The following INPP5D variants were observed in gnomAD, a reference collection of about 807,000 sequenced individuals.
INPP5D encodes the protein phosphatidylinositol 3,4,5-trisphosphate 5-phosphatase 1.
A neutral mutation model predicts 122.9 loss-of-function variants in INPP5D; 33 were observed. The ratio of observed to expected loss-of-function variants is 0.27; its 90% CI spans 0.20 to 0.36. INPP5D has a LOEUF of 0.36. Ranked by LOEUF, INPP5D falls within the 10% of genes least tolerant of loss-of-function variation. INPP5D has a pLI of 1.00. For synonymous variants in INPP5D, 584 were observed against 576.2 expected, an observed-to-expected ratio of 1.01 and a Z score of -0.19; for missense variants, 1,053 against 1,412.7, an observed-to-expected ratio of 0.75 and a Z score of 4.08.
At chr2:233,116,575 A>G (rs1367309305) in intron 2 of INPP5D, among the ~76,000 whole-genome samples, 1 of 149,414 alleles carries the variant, frequency 6.7e-6, no homozygotes, top group African/African-American at 2.5e-5. Context: ...GGCGTGTGCC[A>G]CCATGTCTGA....
intron 21 of INPP5D, among the ~76,000 whole-genome samples, chr2:233,186,351 G>A: frequency 6.6e-6 from 1 of 152,130 alleles, no homozygotes; most frequent in Non-Finnish European, 1.5e-5. Flanking sequence ...ATAGAATCGA[G>A]TACAAAGAGG....
At position 233,182,415 on chromosome 2, in the gene INPP5D, A is replaced by G. The variant is rs1694807199; in HGVS notation, c.2077A>G (p.Thr693Ala). 6.2e-7 allele frequency: 1 copy of G among 1,613,704 alleles called. No individual in the cohort carries two copies. The highest frequency in any genetic ancestry group is 1.1e-5 in the South Asian group (1 of 91,086). The change falls in exon 19 of 27, where the codon ACC becomes GCC. Residue 693 changes from threonine to alanine, a missense_variant. This residue lies in a region of INPP5D where 258 missense variants were observed against 439.1 expected (regional missense o/e 0.59). Coordinates refer to ENST00000445964, the MANE Select transcript of INPP5D (RefSeq NM_001017915.3). ...ATGCCTTCCCTCCCCTGCAGGCAGT[A>G]CCAGCGACATCATGACGAGTGACCA... ...VHVVCQSYGS[T>A]SDIMTSDHSP...
intron 22 of INPP5D, among the ~76,000 whole-genome samples, chr2:233,190,968 C>CCAGAATAGA: frequency 6.6e-6 from 1 of 152,038 alleles, no homozygotes; most frequent in African/African-American, 2.4e-5. Context: ...GAAGTAGTGA[C>CCAGAATAGA]AGTAAAAAAG....
At chr2:233,166,655 G>C (rs1427373518) in intron 13 of INPP5D, among the ~76,000 whole-genome samples, 4 of 152,120 alleles carry the variant, frequency 2.6e-5, no homozygotes, top group African/African-American at 9.7e-5. Context: ...CCACTCCCCT[G>C]AAATGGCTCC....
intron 4 of INPP5D, among the ~76,000 whole-genome samples, chr2:233,129,956 C>G (rs1242408848): frequency 6.6e-6 from 1 of 152,022 alleles, no homozygotes; most frequent in Non-Finnish European, 1.5e-5. Context: ...GGCTGGAGTG[C>G]AATGGCACGA....
At chr2:233,167,633 C>G (rs1418164084) in intron 13 of INPP5D, among the ~76,000 whole-genome samples, 1 of 152,212 alleles carries the variant, frequency 6.6e-6, no homozygotes, top group Non-Finnish European at 1.5e-5. Context: ...TGTACTCCCC[C>G]ACTGGGTCCT....
chr2:233,147,618 C>T (rs1246075465), intron 9 of INPP5D, 24 bp downstream of exon 9: 2 of 702,396 alleles, frequency 2.8e-6, no homozygotes, highest in Non-Finnish European at 5.2e-6. Flanking sequence ...TGCCTATCAA[C>T]CACTGCCCCT....
chr2:233,185,766 T>TG, intron 20 of INPP5D, 77 bp from the exon 21 acceptor site: 1 of 1,311,418 alleles, frequency 7.6e-7, no homozygotes, highest in Non-Finnish European at 9.9e-7. Flanking sequence ...TAGGTCTGGG[T>TG]GGGGTGACCC....
Position 233,188,836 on chromosome 2 carries a change from T to C in INPP5D, c.2359-1014T>C, listed in dbSNP as rs1694982963. Among the ~76,000 whole-genome samples, 1 of 152,164 alleles carries C rather than the reference T, an allele frequency of 6.6e-6. No individual in the cohort carries two copies. On this transcript the variant is annotated intron_variant, in intron 21 of 26. Transcript: ENST00000445964. The surrounding 1 kb of genome is among the most constrained non-coding windows in gnomAD (Gnocchi z 4.7). ...CCTCGGCCTCCCAAAGTGCTGTGAT[T>C]ATAGGCATGAGCCACTGCACCTGGC...
intron 18 of INPP5D, among the ~76,000 whole-genome samples, chr2:233,178,247 C>T (rs1256897727): frequency 6.6e-6 from 1 of 151,908 alleles, no homozygotes; most frequent in East Asian, 1.9e-4. Context: ...GCCTGGGCAA[C>T]GTAGACTCCA....
In INPP5D at chr2:233,130,529, G is replaced by A. The variant is rs1249242138; in HGVS notation, c.546G>A (p.Lys182=). 1 of 1,613,796 alleles carries A rather than the reference G, an allele frequency of 6.2e-7. No individual in the cohort carries two copies. The highest frequency in any genetic ancestry group is 8.5e-7 in the Non-Finnish European group (1 of 1,179,884). The change falls in exon 5 of 27, where the codon AAG becomes AAA. Residue 182 remains lysine (K), a synonymous_variant. Transcript: ENST00000445964. ...TTAGGCTTCCAGAAGAGCATCTTAAGGCCATCCAAGATTATTTAAGCACTC... is the reference window on the plus strand; with the variant it reads ...TTAGGCTTCCAGAAGAGCATCTTAAAGCCATCCAAGATTATTTAAGCACTC... ...DTSGLPEEHL[K]AIQDYLSTQL...
At position 233,075,656 on chromosome 2, in the gene INPP5D, T is replaced by C. The variant is rs187813089; in HGVS notation, c.135-3679T>C. 2.5e-3 allele frequency among the ~76,000 whole-genome samples: 387 copies of C among 151,978 alleles called. 8 individuals carry two copies. The highest frequency in any genetic ancestry group is 0.019 in the Admixed American group (289 of 15,256). On this transcript the variant is annotated intron_variant, in intron 1 of 26. Transcript: ENST00000445964. ...AGTGAAGTACAAACTGCTGGTGGGGTGGCAGGCCAAGTGAGCACCTTCCTC... is the reference window on the plus strand; with the variant it reads ...AGTGAAGTACAAACTGCTGGTGGGGCGGCAGGCCAAGTGAGCACCTTCCTC...
intron 25 of INPP5D, among the ~76,000 whole-genome samples, chr2:233,200,488 A>G (rs527851290): frequency 1.9e-4 from 29 of 152,140 alleles, no homozygotes; most frequent in African/African-American, 6.3e-4. Context: ...TCCTTTTTCC[A>G]TGAGGACTTG....
intron 2 of INPP5D, among the ~76,000 whole-genome samples, chr2:233,114,305 C>T (rs1440846754): frequency 6.6e-6 from 1 of 152,222 alleles, no homozygotes; most frequent in African/African-American, 2.4e-5. Context: ...CACTTCTTCA[C>T]CCACGTGGGG....
intron 17 of INPP5D, among the ~76,000 whole-genome samples, chr2:233,173,855 A>G (rs1042022587): frequency 6.6e-6 from 1 of 151,864 alleles, no homozygotes; most frequent in Non-Finnish European, 1.5e-5. Context: ...ATCGCTTGAA[A>G]CCTGGAAGCA....
intron 5 of INPP5D, among the ~76,000 whole-genome samples, chr2:233,131,344 C>CA (rs1333791557): frequency 4.1e-5 from 6 of 147,732 alleles, no homozygotes; most frequent in Non-Finnish European, 7.5e-5. Flanking sequence ...AGAAAAAAAA[C>CA]AAAAAAAATT....
chr2:233,162,174 C>T (rs951714659), intron 11 of INPP5D, among the ~76,000 whole-genome samples: 2 of 152,092 alleles, frequency 1.3e-5, no homozygotes, highest in African/African-American at 2.4e-5. Flanking sequence ...ACCAAGGGGC[C>T]CCAGGCCTGA....
intron 2 of INPP5D, among the ~76,000 whole-genome samples, chr2:233,104,603 TG>T (rs1260065589): frequency 6.6e-6 from 1 of 151,992 alleles, no homozygotes; most frequent in Non-Finnish European, 1.5e-5. Context: ...GGGCCATGGT[TG>T]GGGAGGAAGA....
chr2:233,193,185 G>A (rs1409418438), intron 22 of INPP5D, among the ~76,000 whole-genome samples: 5 of 152,210 alleles, frequency 3.3e-5, no homozygotes, highest in Admixed American at 3.3e-4. Flanking sequence ...CACCACACCC[G>A]GTGCATTGGG....
Sources: allele counts gnomAD v4.1 joint callset (sites outside exome capture counted in the v4.1 genomes callset), GRCh38; gene constraint gnomAD v4.1.1; regional missense constraint gnomAD v4.1.1; non-coding constraint Gnocchi (gnomAD v3.1); transcripts MANE v1.5; gene names NCBI Gene and HGNC (gene_info 2026-07-23, HGNC 2026-07-21).